The following DLC1 variants were observed in gnomAD, a reference collection of about 807,000 sequenced individuals.
The protein encoded by DLC1 is rho GTPase-activating protein 7.
A neutral mutation model predicts 140.3 loss-of-function variants in DLC1; 54 were observed. The observed-to-expected ratio is 0.38, with a 90% CI of 0.31 to 0.48. The LOEUF is 0.48. Ranked by LOEUF, DLC1 falls within the 20% of genes least tolerant of loss-of-function variation. The probability of loss-of-function intolerance (pLI) is 0.96; values close to 1 mark genes in which losing one functional copy is unlikely to be tolerated. For synonymous variants in DLC1, 986 were observed against 728.1 expected, an observed-to-expected ratio of 1.35 and a Z score of -5.70; for missense variants, 2,536 against 1,907.0, an observed-to-expected ratio of 1.33 and a Z score of -6.14.
intron 5 of DLC1, among the ~76,000 whole-genome samples, chr8:13,141,257 A>AAAAAAAAAAAAC (rs1491233178): frequency 1.8e-4 from 6 of 33,732 alleles, no homozygotes; most frequent in African/African-American, 3.5e-4. Context: ...AGTCTGTCTC[A>AAAAAAAAAAAAC]AAAAAAAAAA....
chr8:13,302,501 C>T (rs1183645463), intron 5 of DLC1, among the ~76,000 whole-genome samples: 1 of 152,062 alleles, frequency 6.6e-6, no homozygotes, highest in Non-Finnish European at 1.5e-5. Flanking sequence ...CAACGTGGAT[C>T]AGAATAGAAG....
At position 13,312,355 on chromosome 8, in the gene DLC1, C is replaced by T. The variant is rs1354222320; in HGVS notation, c.1315-7053G>A. ...CAGCCTGGGCGACAGAGCGAGACTCCGTCTCAAAAAAAAAAAAAAAAAAAA... is the reference window on the plus strand; with the variant it reads ...CAGCCTGGGCGACAGAGCGAGACTCTGTCTCAAAAAAAAAAAAAAAAAAAA... On this transcript the variant is annotated intron_variant, in intron 4 of 17. Transcript: ENST00000276297. Among the ~76,000 whole-genome samples, 10 of 2,204 alleles carry T rather than the reference C, an allele frequency of 4.5e-3. No homozygotes were observed. The East Asian group carries it at 0.11, about 25-fold the overall frequency. The allele number at this position is 2,204 out of a possible 152,430, so 1.4% of individuals were successfully genotyped here.
intron 5 of DLC1, among the ~76,000 whole-genome samples, chr8:13,256,732 G>T (rs567758887): frequency 6.6e-6 from 1 of 152,138 alleles, no homozygotes; most frequent in African/African-American, 2.4e-5. Flanking sequence ...GGCGGGTGGG[G>T]GCAAGGGAAG....
At chr8:13,178,302 C>T (rs957685654) in intron 5 of DLC1, among the ~76,000 whole-genome samples, 8 of 152,114 alleles carry the variant, frequency 5.3e-5, no homozygotes, top group Non-Finnish European at 8.8e-5. Context: ...GTGGCTCACG[C>T]CTGTAATCCC....
At chr8:13,161,541 T>C (rs567774240) in intron 5 of DLC1, among the ~76,000 whole-genome samples, 16 of 152,272 alleles carry the variant, frequency 1.1e-4, no homozygotes, top group Non-Finnish European at 2.1e-4. Context: ...GGTCTTGCTT[T>C]GTTGCCGCTG....
chr8:13,135,614 A>T (rs1412540460), intron 5 of DLC1, among the ~76,000 whole-genome samples: 1 of 152,240 alleles, frequency 6.6e-6, no homozygotes, highest in Non-Finnish European at 1.5e-5. Context: ...TATCTTATTT[A>T]TTAAAAATTC....
chr8:13,090,789 T>G (rs1297554743), intron 14 of DLC1, among the ~76,000 whole-genome samples: 1 of 149,166 alleles, frequency 6.7e-6, no homozygotes, highest in Non-Finnish European at 1.5e-5. Flanking sequence ...GATAATTTGT[T>G]GCTTTTTCTT....
intron 4 of DLC1, among the ~76,000 whole-genome samples, chr8:13,348,403 A>T (rs965125836): frequency 6.6e-6 from 1 of 152,162 alleles, no homozygotes; most frequent in African/African-American, 2.4e-5. Context: ...TCTTTAGAGG[A>T]TAGGGTCCTA....
intron 1 of DLC1, among the ~76,000 whole-genome samples, chr8:13,528,305 A>G (rs1029374350): frequency 6.6e-6 from 1 of 152,140 alleles, no homozygotes; most frequent in Non-Finnish European, 1.5e-5. Flanking sequence ...ATGAATTTCA[A>G]TGACCAGGTT....
chr8:13,107,618 G>T (rs1283873644), intron 7 of DLC1, among the ~76,000 whole-genome samples: 1 of 152,240 alleles, frequency 6.6e-6, no homozygotes, highest in East Asian at 1.9e-4. Flanking sequence ...TTCGTTATTT[G>T]CTGGCCCTTG....
intron 2 of DLC1, among the ~76,000 whole-genome samples, chr8:13,455,395 T>G (rs563134750): frequency 6.6e-6 from 1 of 152,156 alleles, no homozygotes; most frequent in East Asian, 1.9e-4. Context: ...GAGCCAAAGA[T>G]TCTCCAAAGC....
chr8:13,506,571 G>GTC (rs1563407517), intron 1 of DLC1, among the ~76,000 whole-genome samples: 139 of 10,538 alleles, frequency 0.013, no homozygotes, highest in Non-Finnish European at 0.051. Context: ...ACACACATGT[G>GTC]TGTGTGTGTG....
intron 1 of DLC1, among the ~76,000 whole-genome samples, chr8:13,582,264 T>C (rs1365903270): frequency 1.3e-5 from 2 of 152,294 alleles, no homozygotes; most frequent in East Asian, 3.9e-4. Context: ...GCATACACTC[T>C]CTTCAAGAAA....
At chr8:13,269,990 G>A (rs925941175) in intron 5 of DLC1, among the ~76,000 whole-genome samples, 4 of 150,606 alleles carry the variant, frequency 2.7e-5, no homozygotes, top group African/African-American at 7.3e-5. Context: ...CCGGGAGGTG[G>A]AGCTTGCAGT....
chr8:13,409,902 C>CTA (rs1198639427), intron 2 of DLC1, among the ~76,000 whole-genome samples: 2 of 151,900 alleles, frequency 1.3e-5, no homozygotes, highest in Admixed American at 6.6e-5. Flanking sequence ...GGAGGCTAAG[C>CTA]TATGTGTTTT....
At chr8:13,108,191 G>A (rs1819750469) in intron 7 of DLC1, among the ~76,000 whole-genome samples, 1 of 152,066 alleles carries the variant, frequency 6.6e-6, no homozygotes, top group Non-Finnish European at 1.5e-5. Flanking sequence ...CAAGAGCCCT[G>A]GGGTTTTCCA....
chr8:13,346,349 T>C (rs781739077), intron 4 of DLC1, among the ~76,000 whole-genome samples: 1 of 152,208 alleles, frequency 6.6e-6, no homozygotes, highest in Non-Finnish European at 1.5e-5. Flanking sequence ...TTGTTCATAA[T>C]TGTAGTCTAA....
chr8:13,222,295 TA>T (rs912777826), intron 5 of DLC1, among the ~76,000 whole-genome samples: 2 of 152,126 alleles, frequency 1.3e-5, no homozygotes, highest in Admixed American at 1.3e-4. Flanking sequence ...CAGATTATGG[TA>T]GAAAAATGAA....
At chr8:13,225,653 C>T (rs547301169) in intron 5 of DLC1, among the ~76,000 whole-genome samples, 3,445 of 147,960 alleles carry the variant, frequency 0.023, 135 homozygotes, top group African/African-American at 0.081. Context: ...TCTCACTCTG[C>T]TGCCAAGGCT....
Sources: allele counts gnomAD v4.1 joint callset (sites outside exome capture counted in the v4.1 genomes callset), GRCh38; gene constraint gnomAD v4.1.1; transcripts MANE v1.5; gene names NCBI Gene and HGNC (gene_info 2026-07-23, HGNC 2026-07-21).